FCRL5: variants seen among roughly 807,000 people sequenced by gnomAD.
FCRL5 encodes Fc receptor like 5.
In FCRL5, 79 loss-of-function variants were observed where a neutral mutation model predicts 92.1. The observed-to-expected ratio is 0.86, with a 90% CI of 0.72 to 1.03. FCRL5 has a LOEUF of 1.03. Among genes scored for constraint, FCRL5 ranks in the 50% least tolerant of loss-of-function variants. The pLI is 0.00. For synonymous variants in FCRL5, 466 were observed against 469.3 expected (o/e 0.99, Z 0.09); for missense variants, 1,160 against 1,181.1 (o/e 0.98, Z 0.26).
At chr1:157,527,467 A>G in intron 9 of FCRL5, 150 bp downstream of exon 9, 1 of 715,750 alleles carries the variant, frequency 1.4e-6, no homozygotes. Flanking sequence ...TGTAGGATAC[A>G]AAACTTAGAG....
At chr1:157,523,556 C>CTAAACAGAGGTTTCAAAGTT (rs1650294129) in intron 10 of FCRL5, among the ~76,000 whole-genome samples, 1 of 152,232 alleles carries the variant, frequency 6.6e-6, no homozygotes, top group African/African-American at 2.4e-5. Flanking sequence ...CCAGTTCTCT[C>CTAAACAGAGGTTTCAAAGTT]TAAACAGAGG....
Position 157,539,359 on chromosome 1 carries a change from C to T in FCRL5, c.1129G>A (p.Val377Met), listed in dbSNP as rs945614254. ...KAVSLSVTVPVSHPVLNLSSP... is the reference protein window; with the variant it reads ...KAVSLSVTVPMSHPVLNLSSP... ...CTGAGGTTGAGGACAGGATGAGACA[C>T]GGGAACTGAGAGAGAGAAAAAATTA... The change falls in exon 7 of 17, where the codon GTG (valine) becomes ATG (methionine). Residue 377 changes from valine (V) to methionine (M), a missense_variant. By Grantham distance (21) the Val-to-Met change is conservative (BLOSUM62 1). Transcript: ENST00000361835. 67 of 1,599,976 alleles carry T rather than the reference C, an allele frequency of 4.2e-5. No individual in the cohort carries two copies. Among genetic ancestry groups the T allele is most frequent in the South Asian group, 5.6e-5 (5 of 88,890 alleles).
In FCRL5 at chr1:157,525,357, G is replaced by T. The variant is rs114818327; in HGVS notation, c.1961-800C>A. Among the ~76,000 whole-genome samples, 970 of 152,270 alleles carry T rather than the reference G, an allele frequency of 6.4e-3. 12 individuals carry two copies. Among genetic ancestry groups the T allele is most frequent in the African/African-American group, 0.022 (934 of 41,546 alleles). On this transcript the variant is annotated intron_variant, in intron 9 of 16. Transcript: ENST00000361835. Reference sequence around the variant, plus strand: ...ACAGTATGTGCAAACGCCCTGAGTTGGGAATAAGACTGGCACATTTGAATT... The same window carrying T: ...ACAGTATGTGCAAACGCCCTGAGTTTGGAATAAGACTGGCACATTTGAATT...
intron 9 of FCRL5, among the ~76,000 whole-genome samples, chr1:157,525,132 C>T (rs1182250595): frequency 6.6e-6 from 1 of 152,062 alleles, no homozygotes; most frequent in Non-Finnish European, 1.5e-5. Flanking sequence ...TCTCATAGAG[C>T]CTACAATCTA....
chr1:157,531,797 AT>A (rs1650708673), intron 8 of FCRL5, among the ~76,000 whole-genome samples: 1 of 152,182 alleles, frequency 6.6e-6, no homozygotes, highest in South Asian at 2.1e-4. Context: ...GAAGCAGAGA[AT>A]AGAACTGTGG....
At chr1:157,525,250 G>T (rs1489465868) in intron 9 of FCRL5, among the ~76,000 whole-genome samples, 1 of 152,212 alleles carries the variant, frequency 6.6e-6, no homozygotes, top group Admixed American at 6.5e-5. Context: ...GTCAAGGAAA[G>T]CTTCCCCACA....
chr1:157,515,268 G>A lies in FCRL5; in HGVS notation c.*407C>T. On this transcript the variant is annotated 3_prime_UTR_variant, in exon 17 of 17. Coordinates refer to ENST00000361835, the MANE Select transcript of FCRL5 (RefSeq NM_031281.3). The stretch of plus-strand genomic sequence containing the variant: ...CATCCACCCAAAGCAGGAACTCTGT[G>A]TCGGAGTTTAGGAGCACCTGAGCTG... 1 of 283,132 alleles carries A rather than the reference G, an allele frequency of 3.5e-6. No individual in the cohort carries two copies. Among genetic ancestry groups the A allele is most frequent in the Non-Finnish European group, 6.8e-6 (1 of 146,438 alleles). The allele number at this position is 283,132 out of a possible 1,614,324, so 17.5% of individuals were successfully genotyped here. A position where few individuals can be genotyped will look rare whatever the true frequency, so the allele number is the denominator to read the frequency against.
chr1:157,534,460 T>C, intron 8 of FCRL5, 154 bp downstream of exon 8: 2 of 855,174 alleles, frequency 2.3e-6, no homozygotes, highest in Non-Finnish European at 3.9e-6. Context: ...GACTTATGAG[T>C]ACGGAAAACC....
intron 3 of FCRL5, 45 bp downstream of exon 3, chr1:157,546,898 G>C: frequency 1.9e-6 from 3 of 1,593,032 alleles, no homozygotes; most frequent in Non-Finnish European, 1.7e-6. Context: ...AGAAACATGG[G>C]CTGAATTGAT....
intron 15 of FCRL5, among the ~76,000 whole-genome samples, chr1:157,517,361 G>A (rs1649975843): frequency 2.0e-5 from 3 of 152,128 alleles, no homozygotes; most frequent in Non-Finnish European, 4.4e-5. Context: ...CGCCCTAATT[G>A]CTGCAACCTG....
Position 157,544,693 on chromosome 1 carries a change from T to C in FCRL5, c.559+138A>G. 3 of 1,419,262 alleles carry C rather than the reference T, an allele frequency of 2.1e-6. No homozygotes were observed. In the East Asian group the frequency reaches 6.9e-5, roughly 32 times the overall value. 87.9% of individuals were successfully genotyped at this position (1,419,262 alleles called of 1,614,324 possible). On this transcript the variant is annotated intron_variant, in intron 4 of 16. Transcript: ENST00000361835. ...CTTCCTTCAGCCCAAAACACTACTA[T>C]ACTTCCTCTGCTCCTTGCAGGAATG...
At position 157,544,559 on chromosome 1, in the gene FCRL5, A is replaced by G. The variant is rs764434363; in HGVS notation, c.560-13T>C. On this transcript the variant is annotated splice_polypyrimidine_tract_variant and intron_variant, in intron 4 of 16. Transcript: ENST00000361835. ...CGTGTAAATGGCTCTAGAGAGAAGA[A>G]TCACAACAGTCCCAGAGCAATGAGG... 1 of 1,611,308 alleles carries G rather than the reference A, an allele frequency of 6.2e-7. No homozygotes were observed. The highest frequency in any genetic ancestry group is 1.7e-5 in the Admixed American group (1 of 59,962).
rs780301389 is a variant in FCRL5 at position 157,543,059 on chromosome 1, C to G, written c.923G>C (p.Cys308Ser). Residue 308 changes from cysteine to serine, a missense_variant, in exon 6 of 17, where the codon TGT (cysteine) becomes TCT (serine). Physicochemically the swap from Cys to Ser is moderately radical, Grantham distance 112. Coordinates refer to ENST00000361835, the MANE Select transcript of FCRL5 (RefSeq NM_031281.3). ...NFEGTKVTLH[C>S]ETQEDSLRTL... Reference sequence around the variant, plus strand: ...GCGCAGAGAATCTTCCTGGGTTTCACAGTGAAGTGTCACCTTGGTTCCCTC... The same window carrying G: ...GCGCAGAGAATCTTCCTGGGTTTCAGAGTGAAGTGTCACCTTGGTTCCCTC... 3 of 1,614,106 alleles carry G rather than the reference C, an allele frequency of 1.9e-6. No individual in the cohort carries two copies. The highest frequency in any genetic ancestry group is 2.5e-6 in the Non-Finnish European group (3 of 1,180,042).
chr1:157,548,737 A>C (rs1425847499), intron 2 of FCRL5, among the ~76,000 whole-genome samples: 1 of 152,236 alleles, frequency 6.6e-6, no homozygotes, highest in Non-Finnish European at 1.5e-5. Flanking sequence ...ACAATGAGAT[A>C]CCATATCACA....
intron 9 of FCRL5, among the ~76,000 whole-genome samples, chr1:157,525,963 T>C (rs147488415): frequency 8.4e-4 from 128 of 152,264 alleles, no homozygotes; most frequent in African/African-American, 3.0e-3. Flanking sequence ...CTTTTAGAGA[T>C]AGAAGTTTAG....
chr1:157,517,178 G>A (rs182981169), intron 15 of FCRL5, among the ~76,000 whole-genome samples: 33 of 152,234 alleles, frequency 2.2e-4, no homozygotes, highest in African/African-American at 7.2e-4. Flanking sequence ...TCAAACCACC[G>A]ACTGTGAGTG....
chr1:157,545,649 C>T (rs1651498170), intron 3 of FCRL5, among the ~76,000 whole-genome samples: 1 of 151,556 alleles, frequency 6.6e-6, no homozygotes, highest in African/African-American at 2.4e-5. Context: ...CTGCCTCAGC[C>T]TCCCGAGTAG....
At chr1:157,546,545 C>G (rs1022661129) in intron 3 of FCRL5, among the ~76,000 whole-genome samples, 1 of 151,690 alleles carries the variant, frequency 6.6e-6, no homozygotes, top group South Asian at 2.1e-4. Context: ...TAAATTAATC[C>G]TCAGACTTTC....
intron 13 of FCRL5, among the ~76,000 whole-genome samples, chr1:157,519,255 G>T (rs1300230848): frequency 6.6e-6 from 1 of 152,182 alleles, no homozygotes. Context: ...CCTAAAGTCA[G>T]CCTTAGGGAT....
Sources: allele counts gnomAD v4.1 joint callset (sites outside exome capture counted in the v4.1 genomes callset), GRCh38; gene constraint gnomAD v4.1.1; transcripts MANE v1.5; gene names NCBI Gene and HGNC (gene_info 2026-07-23, HGNC 2026-07-21).